The following ATXN7L1 variants were observed in gnomAD, a reference collection of about 807,000 sequenced individuals.
The protein encoded by ATXN7L1 is ataxin 7 like 1.
ATXN7L1 carries 15 observed loss-of-function variants against 70.8 expected under a neutral mutation model. The observed-to-expected ratio is 0.21, with a 90% CI of 0.14 to 0.33. The LOEUF is 0.33. ATXN7L1 is among the 10% of genes least tolerant of loss of function. The pLI, the probability that ATXN7L1 is intolerant of heterozygous loss-of-function variation, is 1.00. For synonymous variants in ATXN7L1, 440 were observed against 445.1 expected, an observed-to-expected ratio of 0.99 and a Z score of 0.14; for missense variants, 975 against 1,097.1, an observed-to-expected ratio of 0.89 and a Z score of 1.57.
rs373051866 is a variant in ATXN7L1, at chr7:105,817,866, G to T, written c.251-29158C>A. ...GCTTGAGCCAGGAGTTCCAGGTTAC[G>T]GTGAGTTATCACTGCACCCCTGCAT... On this transcript the variant is annotated intron_variant, in intron 2 of 11. Transcript: ENST00000419735. 3.9e-5 allele frequency among the ~76,000 whole-genome samples: 6 copies of T among 152,288 alleles called. No individual in the cohort carries two copies. The East Asian group carries it at 7.7e-4, about 20-fold the overall frequency.
intron 2 of ATXN7L1, among the ~76,000 whole-genome samples, chr7:105,803,689 T>C (rs1301296801): frequency 6.6e-6 from 1 of 152,206 alleles, no homozygotes; most frequent in African/African-American, 2.4e-5. Context: ...TATGCTTCCA[T>C]TGCAAGAATC....
intron 3 of ATXN7L1, among the ~76,000 whole-genome samples, chr7:105,691,378 C>G (rs1414344537): frequency 6.6e-6 from 1 of 152,084 alleles, no homozygotes; most frequent in African/African-American, 2.4e-5. Context: ...GCTAAAATAA[C>G]CCTCTGCTGC....
At chr7:105,857,767 T>G (rs1387094669) in intron 2 of ATXN7L1, among the ~76,000 whole-genome samples, 10 of 152,248 alleles carry the variant, frequency 6.6e-5, no homozygotes, top group Non-Finnish European at 1.5e-5. Context: ...TTCCTGAGGT[T>G]TGTACTACAA....
chr7:105,648,608 CT>C (rs1480114433), intron 4 of ATXN7L1, among the ~76,000 whole-genome samples: 3 of 152,206 alleles, frequency 2.0e-5, no homozygotes, highest in African/African-American at 7.2e-5. Flanking sequence ...CACCCCCCAC[CT>C]CCCATACACA....
chr7:105,740,801 G>T (rs1418108274), intron 3 of ATXN7L1, among the ~76,000 whole-genome samples: 4 of 48,382 alleles, frequency 8.3e-5, no homozygotes, highest in African/African-American at 6.3e-4. Flanking sequence ...GTCTCACTCT[G>T]TCGCCCAGGC....
intron 2 of ATXN7L1, among the ~76,000 whole-genome samples, chr7:105,824,768 C>A: frequency 6.6e-6 from 1 of 151,442 alleles, no homozygotes. Flanking sequence ...TATGCATTTC[C>A]AAATTAAAAG....
At chr7:105,790,471 C>T (rs1804976112) in intron 2 of ATXN7L1, among the ~76,000 whole-genome samples, 1 of 152,028 alleles carries the variant, frequency 6.6e-6, no homozygotes, top group Admixed American at 6.6e-5. Flanking sequence ...GTCTCAGCTA[C>T]TCAGGGGGCT....
chr7:105,826,721 G>A (rs1222012177), intron 2 of ATXN7L1, among the ~76,000 whole-genome samples: 2 of 152,078 alleles, frequency 1.3e-5, no homozygotes, highest in South Asian at 4.2e-4. Flanking sequence ...AGACAAGGAG[G>A]GTTAGACCCA....
rs1792770199 is a variant in ATXN7L1, at chr7:105,606,489, C to G, written c.*1363G>C. On this transcript the variant is annotated 3_prime_UTR_variant, in exon 12 of 12. Coordinates refer to ENST00000419735, the MANE Select transcript of ATXN7L1 (RefSeq NM_020725.2). Reference sequence around the variant, plus strand: ...ACCTCCCAGTATCTTTGCTATACATCATATACAAAGTTACATGATTAATAG... The same window carrying G: ...ACCTCCCAGTATCTTTGCTATACATGATATACAAAGTTACATGATTAATAG... 6.6e-6 allele frequency: 1 copy of G among 152,208 alleles called. No homozygotes were observed. The highest frequency in any genetic ancestry group is 2.4e-5 in the African/African-American group (1 of 41,444). The allele number at this position is 152,208 out of a possible 1,614,324, so 9.4% of individuals were successfully genotyped here.
intron 3 of ATXN7L1, among the ~76,000 whole-genome samples, chr7:105,673,863 C>G (rs142101828): frequency 6.6e-6 from 1 of 152,210 alleles, no homozygotes; most frequent in Non-Finnish European, 1.5e-5. Flanking sequence ...TTGTCACCAT[C>G]GTAGTTAGAT....
intron 10 of ATXN7L1, among the ~76,000 whole-genome samples, chr7:105,611,993 T>C (rs1363747625): frequency 6.6e-6 from 1 of 152,170 alleles, no homozygotes; most frequent in East Asian, 1.9e-4. Context: ...AATGCATCCG[T>C]TTTTTTGAAT....
chr7:105,861,557 G>T (rs1185808887), intron 2 of ATXN7L1, among the ~76,000 whole-genome samples: 4 of 151,974 alleles, frequency 2.6e-5, no homozygotes, highest in Non-Finnish European at 5.9e-5. Context: ...TGGAGTCTGA[G>T]ATGCACAATG....
At chr7:105,611,131 ATGG>A (rs758786561) in intron 10 of ATXN7L1, among the ~76,000 whole-genome samples, 8 of 152,216 alleles carry the variant, frequency 5.3e-5, no homozygotes, top group Non-Finnish European at 1.2e-4. Context: ...AAATAGCACG[ATGG>A]TGCTGGGCTT....
rs1370408341 is a variant in ATXN7L1, at chr7:105,604,836, G to A, written c.*3016C>T. Among the ~76,000 whole-genome samples, 4 of 152,148 alleles carry A rather than the reference G, an allele frequency of 2.6e-5. No homozygotes were observed. Among genetic ancestry groups the A allele is most frequent in the Non-Finnish European group, 5.9e-5 (4 of 68,022 alleles). On this transcript the variant is annotated 3_prime_UTR_variant, in exon 12 of 12. Coordinates refer to ENST00000419735, the MANE Select transcript of ATXN7L1 (RefSeq NM_020725.2). ...TGACCAGCTACGTAAAACCCACAGAGTTTTGTTAAAGTGCCATGGGCCGAC... is the reference window on the plus strand; with the variant it reads ...TGACCAGCTACGTAAAACCCACAGAATTTTGTTAAAGTGCCATGGGCCGAC...
At chr7:105,864,537 G>A (rs1035755001) in intron 2 of ATXN7L1, among the ~76,000 whole-genome samples, 57 of 149,034 alleles carry the variant, frequency 3.8e-4, no homozygotes, top group African/African-American at 1.4e-3. Context: ...AGTATGACCA[G>A]CCTGGGGCCG....
intron 3 of ATXN7L1, among the ~76,000 whole-genome samples, chr7:105,771,576 A>T (rs976966318): frequency 4.6e-5 from 7 of 152,192 alleles, no homozygotes; most frequent in African/African-American, 1.7e-4. Flanking sequence ...ACAGTGAATC[A>T]GCCAAAAGTT....
Position 105,624,069 on chromosome 7 carries a change from G to A in ATXN7L1, c.1395+6C>T, listed in dbSNP as rs767079647. 1.4e-6 allele frequency: 2 copies of A among 1,406,172 alleles called. No individual in the cohort carries two copies. The highest frequency in any genetic ancestry group is 1.6e-5 in the South Asian group (1 of 62,538). The allele number at this position is 1,406,172 out of a possible 1,614,324, so 87.1% of individuals were successfully genotyped here. ...AACGCATGGCAAGGAACGGAAGGAG[G>A]CCTACCGCCAGAGGTCTGGGGTGGT... On this transcript the variant is annotated splice_donor_region_variant and intron_variant, in intron 8 of 11. Coordinates refer to ENST00000419735, the MANE Select transcript of ATXN7L1 (RefSeq NM_020725.2).
chr7:105,729,468 TGC>T (rs1796284143), intron 3 of ATXN7L1, among the ~76,000 whole-genome samples: 1 of 150,318 alleles, frequency 6.7e-6, no homozygotes, highest in South Asian at 2.1e-4. Flanking sequence ...CCTGCCCTGT[TGC>T]CCAGGCTGGA....
At chr7:105,807,829 C>T (rs988527335) in intron 2 of ATXN7L1, among the ~76,000 whole-genome samples, 2 of 152,228 alleles carry the variant, frequency 1.3e-5, no homozygotes, top group Non-Finnish European at 2.9e-5. Flanking sequence ...CTGGGCTGCG[C>T]TATCCGCACC....
Sources: gnomAD v4.1 joint callset for allele counts (sites outside exome capture counted in the v4.1 genomes callset) on GRCh38, gnomAD v4.1.1 for gene constraint, MANE v1.5 for transcripts, NCBI Gene and HGNC (gene_info 2026-07-23, HGNC 2026-07-21) for gene names.